The following REEP2 variants were observed in gnomAD, a reference collection of about 807,000 sequenced individuals.
REEP2 encodes receptor accessory protein 2.
REEP2 carries 9 observed loss-of-function variants against 32.1 expected under a neutral mutation model. The observed-to-expected ratio is 0.28, with a 90% CI of 0.17 to 0.49. The LOEUF (loss-of-function observed/expected upper bound fraction) is 0.49. Ranked by LOEUF, REEP2 falls within the 20% of genes least tolerant of loss-of-function variation. REEP2 has a pLI of 0.99. For synonymous variants in REEP2, 128 were observed against 139.1 expected (o/e 0.92, Z 0.56); for missense variants, 236 against 338.0 (o/e 0.70, Z 2.37).
At position 138,445,840 on chromosome 5, in the gene REEP2, C is replaced by T; in HGVS notation, c.*89C>T. The T allele has an allele frequency of 7.6e-7, 1 of 1,318,684 alleles. No individual in the cohort carries two copies. Among genetic ancestry groups the T allele is most frequent in the Middle Eastern group, 1.9e-4 (1 of 5,212 alleles). The allele number at this position is 1,318,684 out of a possible 1,614,324, so 81.7% of individuals were successfully genotyped here. ...CCCTGCTCCACACTGTGCCAGTAGC[C>T]TAGGTGTCTCAGGCCCCTGGGCCCC... On this transcript the variant is annotated 3_prime_UTR_variant, in exon 8 of 8. Coordinates refer to ENST00000378339, the MANE Select transcript of REEP2 (RefSeq NM_001271803.2).
Position 138,441,124 on chromosome 5 carries a change from C to T in REEP2, c.105+36C>T, listed in dbSNP as rs1377675344. ...GACCCTTCACCCCCTACCCAACCCA[C>T]ATGGCACAGAGAGGGGAGGGCACTG... is the stretch of plus-strand genomic sequence containing the variant. On this transcript the variant is annotated intron_variant, in intron 2 of 7. Coordinates refer to ENST00000378339, the MANE Select transcript of REEP2 (RefSeq NM_001271803.2). This position sits in a 1 kb window ranked among gnomAD's most constrained non-coding sequence, Gnocchi z 4.4. The T allele has an allele frequency of 4.3e-6, 7 of 1,612,664 alleles. No homozygotes were observed. In the African/African-American group the frequency reaches 6.7e-5, roughly 15 times the overall value.
chr5:138,442,098 C>T (rs1763836949), intron 3 of REEP2, among the ~76,000 whole-genome samples: 1 of 152,202 alleles, frequency 6.6e-6, no homozygotes, highest in Non-Finnish European at 1.5e-5. Flanking sequence ...GTAAAATAGG[C>T]ATATGATTCA....
Position 138,445,676 on chromosome 5 carries a change from T to G in REEP2, c.697-7T>G. 3 of 1,613,962 alleles carry G rather than the reference T, an allele frequency of 1.9e-6. No homozygotes were observed. The highest frequency in any genetic ancestry group is 2.5e-6 in the Non-Finnish European group (3 of 1,179,974). Reference sequence around the variant, plus strand: ...GCTGAGCCCCATCTTCCTCCTTCTTTCCACAGCCACTGGCTTCCAAGACAC... The same window carrying G: ...GCTGAGCCCCATCTTCCTCCTTCTTGCCACAGCCACTGGCTTCCAAGACAC... On this transcript the variant is annotated splice_polypyrimidine_tract_variant and splice_region_variant and intron_variant, in intron 7 of 7. Transcript: ENST00000378339.
chr5:138,440,918 C>T, intron 1 of REEP2, 98 bp from the exon 2 acceptor site: 1 of 1,590,696 alleles, frequency 6.3e-7, no homozygotes, highest in Non-Finnish European at 8.5e-7. Context: ...GGAGTTCTGT[C>T]TCTCTTCCCA....
In REEP2 at chr5:138,446,069, T is replaced by C. The variant is rs1763927146; in HGVS notation, c.*318T>C. On this transcript the variant is annotated 3_prime_UTR_variant, in exon 8 of 8. Transcript: ENST00000378339. ...CTGCCCCACCCACCCAGTGCCTTGC[T>C]GAAGCCCATAGCAATCCGCTTCTCA... The C allele has an allele frequency of 2.7e-6, 1 of 377,274 alleles. No individual in the cohort carries two copies. Among genetic ancestry groups the C allele is most frequent in the South Asian group, 4.4e-5 (1 of 22,474 alleles). 23.4% of individuals were successfully genotyped at this position (377,274 alleles called of 1,614,324 possible). A position where few individuals can be genotyped will look rare whatever the true frequency, so the allele number is the denominator to read the frequency against.
At chr5:138,444,731 T>C (rs1488886642) in intron 4 of REEP2, 23 bp from the exon 5 acceptor site, 6 of 1,606,256 alleles carry the variant, frequency 3.7e-6, no homozygotes, top group Non-Finnish European at 3.4e-6. Flanking sequence ...TCTCCTCTTC[T>C]CCCTTCCCCT....
At position 138,445,739 on chromosome 5, in the gene REEP2, C is replaced by T. The variant is rs780406919; in HGVS notation, c.753C>T (p.Gly251=). The stretch of plus-strand genomic sequence containing the variant: ...CCAAGAAGAAGACCTCTGGCGGGGG[C>T]GACTCAGCTTGAGCCCCTCCACCCC... The part of the protein sequence containing the change: ...TRPKKKTSGG[G]DSA Residue 251 remains glycine, a synonymous_variant, in exon 8 of 8, where the codon GGC becomes GGT. Transcript: ENST00000378339. 30 of 1,613,798 alleles carry T rather than the reference C, an allele frequency of 1.9e-5. 1 individual carries two copies. Among genetic ancestry groups the T allele is most frequent in the South Asian group, 1.1e-4 (10 of 91,054 alleles).
Position 138,444,428 on chromosome 5 carries a change from T to G in REEP2, c.196T>G (p.Phe66Val), listed in dbSNP as rs1763885352. 1 of 1,613,854 alleles carries G rather than the reference T, an allele frequency of 6.2e-7. No individual in the cohort carries two copies. Among genetic ancestry groups the G allele is most frequent in the Admixed American group, 1.7e-5 (1 of 59,988 alleles). ...CTGTCCCAACAGGTTCCCCTTCTACTTTGAACTGAAGATCGCCTTCGTGAT... is the reference window on the plus strand; with the variant it reads ...CTGTCCCAACAGGTTCCCCTTCTACGTTGAACTGAAGATCGCCTTCGTGAT... ...DIVLSWFPFY[F>V]ELKIAFVIWL... is the part of the protein sequence containing the mutation. Residue 66 changes from phenylalanine (F) to valine (V), a missense_variant, in exon 4 of 8, where the codon TTT becomes GTT. Coordinates refer to ENST00000378339, the MANE Select transcript of REEP2 (RefSeq NM_001271803.2).
intron 1 of REEP2, among the ~76,000 whole-genome samples, chr5:138,440,512 C>A (rs1433063038): frequency 6.6e-6 from 1 of 152,196 alleles, no homozygotes; most frequent in Non-Finnish European, 1.5e-5. Context: ...GGGCCTCCTG[C>A]CCCTGTGCCC....
At position 138,446,087 on chromosome 5, in the gene REEP2, G is replaced by T. The variant is rs1289740901; in HGVS notation, c.*336G>T. On this transcript the variant is annotated 3_prime_UTR_variant, in exon 8 of 8. Transcript: ENST00000378339. ...GCCTTGCTGAAGCCCATAGCAATCC[G>T]CTTCTCAGAGGTCCTGTCGTGTTTC... is the stretch of plus-strand genomic sequence containing the variant. The T allele has an allele frequency of 1.7e-5, 5 of 301,756 alleles. No homozygotes were observed. Among genetic ancestry groups the T allele is most frequent in the African/African-American group, 4.5e-5 (2 of 44,898 alleles). 18.7% of individuals were successfully genotyped at this position (301,756 alleles called of 1,614,324 possible).
intron 3 of REEP2, 154 bp from the exon 4 acceptor site, chr5:138,444,261 A>G (rs1763880888): frequency 1.3e-6 from 1 of 793,416 alleles, no homozygotes; most frequent in Non-Finnish European, 2.0e-6. Flanking sequence ...AGACCCTTTC[A>G]GATTAGAAAG....
rs570974436 is a variant in REEP2 at position 138,439,128 on chromosome 5, C to T, written c.-81C>T. ...CTGCTGCTACTGCGGCTCCTGCTGC[C>T]GCCGCCGCCGCCGCTCGGCCTCAGG... On this transcript the variant is annotated 5_prime_UTR_variant, in exon 1 of 8. Coordinates refer to ENST00000378339, the MANE Select transcript of REEP2 (RefSeq NM_001271803.2). 190 of 721,272 alleles carry T rather than the reference C, an allele frequency of 2.6e-4. 1 individual carries two copies. In the African/African-American group the frequency reaches 2.8e-3, roughly 11 times the overall value. 44.7% of individuals were successfully genotyped at this position (721,272 alleles called of 1,614,324 possible).
In REEP2 at chr5:138,446,097, GGTCCTGTC is replaced by G. The variant is rs947983458; in HGVS notation, c.*349_*356del. Reference sequence around the variant, plus strand: ...AGCCCATAGCAATCCGCTTCTCAGAGGTCCTGTCGTGTTTCCACTGCTCGCCTTGGTTT... The same window carrying G: ...AGCCCATAGCAATCCGCTTCTCAGAGGTGTTTCCACTGCTCGCCTTGGTTT... On this transcript the variant is annotated 3_prime_UTR_variant, in exon 8 of 8. Transcript: ENST00000378339. The G allele has an allele frequency of 3.1e-5, 9 of 286,668 alleles. No individual in the cohort carries two copies. The highest frequency in any genetic ancestry group is 5.2e-5 in the Non-Finnish European group (8 of 152,560). The allele number at this position is 286,668 out of a possible 1,614,324, so 17.8% of individuals were successfully genotyped here.
Position 138,444,543 on chromosome 5 carries a change from C to T in REEP2, c.303+8C>T. On this transcript the variant is annotated splice_region_variant and intron_variant, in intron 4 of 7. Transcript: ENST00000378339. ...CTGTCCAACAAGGAGAAGGTTTGCCCCCACTCTCAGCTCACCTCCCAGCCT... is the reference window on the plus strand; with the variant it reads ...CTGTCCAACAAGGAGAAGGTTTGCCTCCACTCTCAGCTCACCTCCCAGCCT... The T allele has an allele frequency of 6.2e-7, 1 of 1,613,726 alleles. No individual in the cohort carries two copies. Among genetic ancestry groups the T allele is most frequent in the Non-Finnish European group, 8.5e-7 (1 of 1,179,734 alleles).
In REEP2 at chr5:138,445,740, G is replaced by A. The variant is rs749474228; in HGVS notation, c.754G>A (p.Asp252Asn). ...CAAGAAGAAGACCTCTGGCGGGGGC[G>A]ACTCAGCTTGAGCCCCTCCACCCCC... ...RPKKKTSGGGDSA is the reference protein window; with the variant it reads ...RPKKKTSGGGNSA Residue 252 changes from aspartate (D) to asparagine (N), a missense_variant, in exon 8 of 8, where the codon GAC becomes AAC. Asp to Asn is a conservative substitution (Grantham distance 23). Coordinates refer to ENST00000378339, the MANE Select transcript of REEP2 (RefSeq NM_001271803.2). 6.8e-6 allele frequency: 11 copies of A among 1,613,886 alleles called. No homozygotes were observed. The highest frequency in any genetic ancestry group is 6.7e-5 in the Admixed American group (4 of 60,004).
In REEP2 at chr5:138,445,746, G is replaced by T; in HGVS notation, c.760G>T (p.Ala254Ser). 1 of 1,613,864 alleles carries T rather than the reference G, an allele frequency of 6.2e-7. No individual in the cohort carries two copies. The highest frequency in any genetic ancestry group is 8.5e-7 in the Non-Finnish European group (1 of 1,179,936). Residue 254 changes from alanine (A) to serine (S), a missense_variant, in exon 8 of 8, where the codon GCT (alanine) becomes TCT (serine). Physicochemically the swap from Ala to Ser is moderately conservative, Grantham distance 99. Coordinates refer to ENST00000378339, the MANE Select transcript of REEP2 (RefSeq NM_001271803.2). The stretch of plus-strand genomic sequence containing the variant: ...GAAGACCTCTGGCGGGGGCGACTCA[G>T]CTTGAGCCCCTCCACCCCCGCAGGC... ...KKKTSGGGDS[A>S] is the part of the protein sequence containing the mutation.
chr5:138,444,750 A>C lies in REEP2; in HGVS notation c.304-4A>C, dbSNP rs1464153023. On this transcript the variant is annotated splice_region_variant and splice_polypyrimidine_tract_variant and intron_variant, in intron 4 of 7. Coordinates refer to ENST00000378339, the MANE Select transcript of REEP2 (RefSeq NM_001271803.2). ...CTCTTCTCCCTTCCCCTCCAATCCC[A>C]TAGGAGATCGACGAGTACATCACGC... 4.3e-6 allele frequency: 7 copies of C among 1,613,088 alleles called. No individual in the cohort carries two copies. The Admixed American group carries it at 5.0e-5, about 12-fold the overall frequency.
intron 3 of REEP2, among the ~76,000 whole-genome samples, chr5:138,443,288 C>T (rs1207518954): frequency 6.6e-6 from 1 of 151,436 alleles, no homozygotes; most frequent in Non-Finnish European, 1.5e-5. Flanking sequence ...TGGTGAAACC[C>T]CTTATCTACT....
Position 138,445,795 on chromosome 5 carries a change from G to A in REEP2, c.*44G>A. The A allele has an allele frequency of 6.3e-7, 1 of 1,582,386 alleles. No homozygotes were observed. Among genetic ancestry groups the A allele is most frequent in the Non-Finnish European group, 8.6e-7 (1 of 1,159,888 alleles). On this transcript the variant is annotated 3_prime_UTR_variant, in exon 8 of 8. Transcript: ENST00000378339. ...GCTGCAGAGCAAGGATGAAGCCTCA[G>A]GAGGGGCCTCAGACCCAGCCCCTGC...
Sources: allele counts gnomAD v4.1 joint callset (sites outside exome capture counted in the v4.1 genomes callset), GRCh38; gene constraint gnomAD v4.1.1; non-coding constraint Gnocchi (gnomAD v3.1); transcripts MANE v1.5; gene names NCBI Gene and HGNC (gene_info 2026-07-23, HGNC 2026-07-21).